FHIT: variants seen among roughly 807,000 people sequenced by gnomAD.
The protein encoded by FHIT is bis(5'-adenosyl)-triphosphatase.
In FHIT, 19 loss-of-function variants were observed where a neutral mutation model predicts 17.9. The observed-to-expected ratio is 1.06, with a 90% confidence interval of 0.74 to 1.56. The LOEUF (loss-of-function observed/expected upper bound fraction) is 1.56, where lower values mean the gene tolerates loss of function less well. Among genes scored for constraint, FHIT ranks in the 40% most tolerant of loss-of-function variants. The pLI is 0.00. For missense variants in FHIT, 248 were observed against 189.2 expected, an observed-to-expected ratio of 1.31 and a Z score of -1.82; for synonymous variants, 81 against 69.7, an observed-to-expected ratio of 1.16 and a Z score of -0.81.
At chr3:60,707,434 T>A (rs1009424287) in intron 4 of FHIT, among the ~76,000 whole-genome samples, 8 of 152,178 alleles carry the variant, frequency 5.3e-5, no homozygotes, top group Non-Finnish European at 1.2e-4. Flanking sequence ...ATTGAATCTA[T>A]CCACGGATAA....
At chr3:60,862,967 T>C (rs1366590621) in intron 3 of FHIT, among the ~76,000 whole-genome samples, 1 of 151,916 alleles carries the variant, frequency 6.6e-6, no homozygotes, top group Non-Finnish European at 1.5e-5. Context: ...GACTTTAACA[T>C]AGGAAGGTTA....
chr3:60,060,197 C>T (rs1418481699), intron 5 of FHIT, among the ~76,000 whole-genome samples: 3 of 149,626 alleles, frequency 2.0e-5, no homozygotes, highest in African/African-American at 7.4e-5. Context: ...AAAAAAAAAA[C>T]CCAAATGTTT....
intron 8 of FHIT, among the ~76,000 whole-genome samples, chr3:59,844,308 G>C (rs563209816): frequency 1.3e-5 from 2 of 152,134 alleles, no homozygotes; most frequent in African/African-American, 4.8e-5. Flanking sequence ...GAATTTTTCT[G>C]GCTAGGACTT....
chr3:60,667,285 T>C (rs1040078607), intron 4 of FHIT, among the ~76,000 whole-genome samples: 14 of 152,036 alleles, frequency 9.2e-5, no homozygotes, highest in African/African-American at 3.4e-4. Context: ...GTCCTGTTCA[T>C]TTTTTCAGTC....
chr3:59,842,457 G>A (rs1386538267), intron 8 of FHIT, among the ~76,000 whole-genome samples: 2 of 152,070 alleles, frequency 1.3e-5, no homozygotes, highest in Non-Finnish European at 2.9e-5. Context: ...TGGATCATAT[G>A]GTAATCCTGT....
Position 59,952,952 on chromosome 3 carries a change from T to C in FHIT, c.280-30538A>G, listed in dbSNP as rs571294186. On this transcript the variant is annotated intron_variant, in intron 7 of 9. Coordinates refer to ENST00000492590, the MANE Select transcript of FHIT (RefSeq NM_002012.4). ...AGTAGAATGGTCCACAATCTAAATCTAGGGGTTCACTCCTTCTCTCCCTCT... is the reference window on the plus strand; with the variant it reads ...AGTAGAATGGTCCACAATCTAAATCCAGGGGTTCACTCCTTCTCTCCCTCT... Among the ~76,000 whole-genome samples, 17 of 152,084 alleles carry C rather than the reference T, an allele frequency of 1.1e-4. 1 individual carries two copies. In the South Asian group the frequency reaches 3.5e-3, roughly 32 times the overall value.
At chr3:60,426,988 A>C (rs1702694777) in intron 5 of FHIT, among the ~76,000 whole-genome samples, 1 of 152,146 alleles carries the variant, frequency 6.6e-6, no homozygotes, top group African/African-American at 2.4e-5. Context: ...AACAAAGGTA[A>C]GGGGATTTCT....
At chr3:60,226,489 A>AC (rs1704209945) in intron 5 of FHIT, among the ~76,000 whole-genome samples, 1 of 151,296 alleles carries the variant, frequency 6.6e-6, no homozygotes, top group African/African-American at 2.4e-5. Context: ...AAAAAAAAAA[A>AC]AAAAACACTG....
At chr3:60,223,835 A>C (rs2107538515) in intron 5 of FHIT, among the ~76,000 whole-genome samples, 1 of 152,220 alleles carries the variant, frequency 6.6e-6, no homozygotes, top group East Asian at 1.9e-4. Flanking sequence ...CAATGGTCAC[A>C]GTCACTCCAT....
intron 5 of FHIT, among the ~76,000 whole-genome samples, chr3:60,269,317 T>C (rs956385068): frequency 6.6e-6 from 1 of 152,230 alleles, no homozygotes; most frequent in African/African-American, 2.4e-5. Context: ...AGTTAATCAC[T>C]GGAGTTTTCC....
intron 2 of FHIT, among the ~76,000 whole-genome samples, chr3:61,159,990 A>G (rs942915208): frequency 6.6e-6 from 1 of 152,310 alleles, no homozygotes; most frequent in South Asian, 2.1e-4. Flanking sequence ...TAGGGAATGA[A>G]GGAAAGTATG....
chr3:60,095,807 CTTG>C (rs1703924757), intron 5 of FHIT, among the ~76,000 whole-genome samples: 1 of 152,178 alleles, frequency 6.6e-6, no homozygotes, highest in South Asian at 2.1e-4. Flanking sequence ...GTACAACCAC[CTTG>C]TTTAAAAGAC....
At chr3:60,578,887 A>G (rs1283627609) in intron 4 of FHIT, among the ~76,000 whole-genome samples, 2 of 152,086 alleles carry the variant, frequency 1.3e-5, no homozygotes, top group Admixed American at 1.3e-4. Flanking sequence ...CCTAGGAAAC[A>G]TTTTCTAGAT....
At chr3:60,538,711 A>G (rs1019919158) in intron 4 of FHIT, among the ~76,000 whole-genome samples, 2 of 152,246 alleles carry the variant, frequency 1.3e-5, no homozygotes, top group Admixed American at 1.3e-4. Flanking sequence ...TATTTAACAA[A>G]TGGTACTGGG....
intron 5 of FHIT, among the ~76,000 whole-genome samples, chr3:60,395,376 G>C (rs900820889): frequency 6.6e-6 from 1 of 152,162 alleles, no homozygotes; most frequent in African/African-American, 2.4e-5. Flanking sequence ...GGATTAGAAA[G>C]TTTAAAATCC....
At chr3:60,967,976 GT>G (rs1709830644) in intron 3 of FHIT, among the ~76,000 whole-genome samples, 1 of 152,182 alleles carries the variant, frequency 6.6e-6, no homozygotes, top group Admixed American at 6.5e-5. Context: ...CAATATGCAT[GT>G]GGAATTACTT....
rs544105043 is a variant in FHIT at position 61,036,910 on chromosome 3, T to G, written c.-111+5137A>C. ...AAGATCAGTCTGCTTTGTTTTTTTT[T>G]TTTGTTTGTTTGTTTTTTTGAGATG... On this transcript the variant is annotated intron_variant, in intron 3 of 9. Coordinates refer to ENST00000492590, the MANE Select transcript of FHIT (RefSeq NM_002012.4). Among the ~76,000 whole-genome samples the G allele has an allele frequency of 3.2e-3, 414 of 130,938 alleles. 8 individuals are homozygous for G. Among genetic ancestry groups the G allele is most frequent in the African/African-American group, 8.6e-3 (296 of 34,402 alleles). The allele number at this position is 130,938 out of a possible 152,430, so 85.9% of individuals were successfully genotyped here. A position where few individuals can be genotyped will look rare whatever the true frequency, so the allele number is the denominator to read the frequency against.
intron 4 of FHIT, among the ~76,000 whole-genome samples, chr3:60,728,966 T>G (rs2041973194): frequency 6.6e-6 from 1 of 152,208 alleles, no homozygotes; most frequent in African/African-American, 2.4e-5. Flanking sequence ...CAAAACCAGA[T>G]GCTCCTTTAA....
chr3:60,218,221 A>C (rs1043710859), intron 5 of FHIT, among the ~76,000 whole-genome samples: 2 of 152,184 alleles, frequency 1.3e-5, no homozygotes, highest in Non-Finnish European at 2.9e-5. Flanking sequence ...ATAAGAAATT[A>C]AACTATGGCT....
Sources: allele counts gnomAD v4.1 joint callset (sites outside exome capture counted in the v4.1 genomes callset), GRCh38; gene constraint gnomAD v4.1.1; transcripts MANE v1.5; gene names NCBI Gene and HGNC (gene_info 2026-07-23, HGNC 2026-07-21).